The following SNCAIP variants were observed in gnomAD, a reference collection of about 807,000 sequenced individuals.
The protein encoded by SNCAIP is synphilin-1.
In SNCAIP, 43 loss-of-function variants were observed where a neutral mutation model predicts 86.7. The ratio of observed to expected loss-of-function variants is 0.50; its 90% CI spans 0.39 to 0.64. The LOEUF is 0.64. Among genes scored for constraint, SNCAIP ranks in the 30% least tolerant of loss-of-function variants. The pLI, the probability that SNCAIP is intolerant of heterozygous loss-of-function variation, is 0.00. For synonymous variants in SNCAIP, 417 were observed against 427.2 expected, an observed-to-expected ratio of 0.98 and a Z score of 0.29; for missense variants, 981 against 1,103.1, an observed-to-expected ratio of 0.89 and a Z score of 1.57.
intron 1 of SNCAIP, among the ~76,000 whole-genome samples, chr5:122,315,761 A>G (rs1751582383): frequency 6.6e-6 from 1 of 152,138 alleles, no homozygotes; most frequent in South Asian, 2.1e-4. Flanking sequence ...TCCTTCTGAC[A>G]GTGGTGTTGG....
intron 1 of SNCAIP, among the ~76,000 whole-genome samples, chr5:122,328,706 T>G (rs1754637792): frequency 6.6e-6 from 1 of 152,222 alleles, no homozygotes; most frequent in South Asian, 2.1e-4. Flanking sequence ...ATCACATCAG[T>G]GATTTTGCTA....
At chr5:122,424,860 T>A (rs1213191596) in intron 4 of SNCAIP, among the ~76,000 whole-genome samples, 2 of 152,218 alleles carry the variant, frequency 1.3e-5, no homozygotes, top group Non-Finnish European at 2.9e-5. Flanking sequence ...TTGATGACAG[T>A]GTCTAGAGGT....
At chr5:122,427,604 G>A (rs1413107297) in intron 5 of SNCAIP, among the ~76,000 whole-genome samples, 2 of 152,122 alleles carry the variant, frequency 1.3e-5, no homozygotes, top group Admixed American at 6.5e-5. Context: ...TCCATTCAGT[G>A]TATTTTGATG....
intron 1 of SNCAIP, among the ~76,000 whole-genome samples, chr5:122,365,486 C>G (rs1227115652): frequency 2.0e-5 from 3 of 152,142 alleles, no homozygotes; most frequent in African/African-American, 7.2e-5. Context: ...TGAGACTAAC[C>G]TGGCCAACAT....
intron 4 of SNCAIP, 149 bp downstream of exon 4, chr5:122,423,888 G>C: frequency 1.5e-6 from 1 of 676,818 alleles, no homozygotes; most frequent in South Asian, 2.0e-5. Context: ...GTGACCTTTT[G>C]AGTTTTAAAA....
At chr5:122,401,055 G>T (rs1240282943) in intron 2 of SNCAIP, 1 of 1,550,060 alleles carries the variant, frequency 6.5e-7, no homozygotes, top group Non-Finnish European at 8.7e-7. Flanking sequence ...AGATGCAATG[G>T]GCTTTGGTTC....
At chr5:122,350,681 T>C (rs947595758) in intron 1 of SNCAIP, among the ~76,000 whole-genome samples, 5 of 152,212 alleles carry the variant, frequency 3.3e-5, no homozygotes, top group African/African-American at 4.8e-5. Flanking sequence ...TATATGGGCA[T>C]GAAGCCTGGA....
intron 3 of SNCAIP, among the ~76,000 whole-genome samples, chr5:122,421,084 A>C (rs1009081565): frequency 6.6e-6 from 1 of 152,244 alleles, no homozygotes; most frequent in Non-Finnish European, 1.5e-5. Flanking sequence ...ACTGAGAACT[A>C]AAGCCAGCAA....
Position 122,328,175 on chromosome 5 carries a change from CTTT to C in SNCAIP, c.-47+15894_-47+15896del, listed in dbSNP as rs568627508. The stretch of plus-strand genomic sequence containing the variant: ...TTGCAGTAAGAGAAAGCTTATATAT[CTTT>C]TTCAATGAATGTGATTAATAAATAA... On this transcript the variant is annotated intron_variant, in intron 1 of 10. Coordinates refer to ENST00000261368, the MANE Select transcript of SNCAIP (RefSeq NM_005460.4). Among the ~76,000 whole-genome samples the C allele has an allele frequency of 4.9e-4, 74 of 152,292 alleles. 1 individual carries two copies. The highest frequency in any genetic ancestry group is 3.4e-3 in the Middle Eastern group (1 of 294).
intron 8 of SNCAIP, among the ~76,000 whole-genome samples, chr5:122,445,534 T>C (rs570799050): frequency 3.8e-4 from 58 of 152,092 alleles, no homozygotes; most frequent in Non-Finnish European, 5.6e-4. Flanking sequence ...AGTTTCCAGA[T>C]TGGGGAGGGT....
chr5:122,385,589 A>G (rs1017246057), intron 1 of SNCAIP, among the ~76,000 whole-genome samples: 1 of 152,156 alleles, frequency 6.6e-6, no homozygotes, highest in African/African-American at 2.4e-5. Flanking sequence ...TATATTGAAG[A>G]AAGTAAGCCC....
chr5:122,358,218 T>TAA (rs1480258563), intron 1 of SNCAIP, among the ~76,000 whole-genome samples: 82 of 148,156 alleles, frequency 5.5e-4, no homozygotes, highest in Middle Eastern at 3.5e-3. Context: ...TATATATATA[T>TAA]AAAATACTTT....
chr5:122,365,192 C>T (rs1381235167), intron 1 of SNCAIP, among the ~76,000 whole-genome samples: 1 of 152,124 alleles, frequency 6.6e-6, no homozygotes, highest in Non-Finnish European at 1.5e-5. Flanking sequence ...CCTGTCTGGA[C>T]TCTTTGGAAC....
chr5:122,358,080 C>G (rs574402420), intron 1 of SNCAIP, among the ~76,000 whole-genome samples: 13 of 151,844 alleles, frequency 8.6e-5, no homozygotes, highest in Non-Finnish European at 1.6e-4. Context: ...GCCCTCATCA[C>G]TTTAATATTC....
intron 7 of SNCAIP, among the ~76,000 whole-genome samples, chr5:122,441,476 A>T (rs868838355): frequency 6.6e-6 from 1 of 152,150 alleles, no homozygotes; most frequent in Admixed American, 6.5e-5. Context: ...GCCACAGGAG[A>T]GGGGAAGGAG....
At chr5:122,439,548 G>A (rs1451164259) in intron 6 of SNCAIP, among the ~76,000 whole-genome samples, 1 of 152,158 alleles carries the variant, frequency 6.6e-6, no homozygotes, top group Non-Finnish European at 1.5e-5. Flanking sequence ...AGATTTGGCT[G>A]TTTTTATCCA....
chr5:122,377,917 A>C (rs1264436695), intron 1 of SNCAIP, among the ~76,000 whole-genome samples: 2 of 151,700 alleles, frequency 1.3e-5, no homozygotes, highest in Non-Finnish European at 2.9e-5. Context: ...TATGTGCCAC[A>C]TTTTCGCAAT....
At chr5:122,351,607 G>A (rs1463856471) in intron 1 of SNCAIP, among the ~76,000 whole-genome samples, 1 of 142,332 alleles carries the variant, frequency 7.0e-6, no homozygotes, top group Admixed American at 7.4e-5. Context: ...TAGTGGTTGT[G>A]TACATAGCAT....
At chr5:122,355,779 AT>A (rs1760877930) in intron 1 of SNCAIP, among the ~76,000 whole-genome samples, 1 of 152,136 alleles carries the variant, frequency 6.6e-6, no homozygotes, top group African/African-American at 2.4e-5. Flanking sequence ...TTACAGTTGA[AT>A]TTAAGTTAAA....
Sources: allele counts gnomAD v4.1 joint callset (sites outside exome capture counted in the v4.1 genomes callset), GRCh38; gene constraint gnomAD v4.1.1; transcripts MANE v1.5; gene names NCBI Gene and HGNC (gene_info 2026-07-23, HGNC 2026-07-21).